The following PCDHGA4 variants were observed in gnomAD, a reference collection of about 807,000 sequenced individuals.
PCDHGA4 encodes the protein protocadherin gamma subfamily A, 4.
In PCDHGA4, 38 loss-of-function variants were observed where a neutral mutation model predicts 54.6. The observed-to-expected ratio is 0.70, with a 90% CI of 0.54 to 0.91. The LOEUF (loss-of-function observed/expected upper bound fraction) is 0.91. PCDHGA4 is among the 40% of genes least tolerant of loss of function. The pLI is 0.00. For missense variants in PCDHGA4, 1,298 were observed against 1,220.9 expected (o/e 1.06, Z -0.94); for synonymous variants, 511 against 512.9 (o/e 1.00, Z 0.05).
At chr5:141,366,020 T>A in intron 1 of PCDHGA4, 2 of 1,614,210 alleles carry the variant, frequency 1.2e-6, no homozygotes, top group South Asian at 2.2e-5. Flanking sequence ...TGAGATCCTG[T>A]ACCCCGCCCT....
chr5:141,393,815 C>T (rs2092850609), intron 1 of PCDHGA4: 1 of 1,613,922 alleles, frequency 6.2e-7, no homozygotes, highest in Non-Finnish European at 8.5e-7. Context: ...CCAAATTGCT[C>T]ATTTCGGTGG....
At chr5:141,364,462 C>T (rs897608860) in intron 1 of PCDHGA4, 23 of 1,613,902 alleles carry the variant, frequency 1.4e-5, no homozygotes, top group Non-Finnish European at 1.8e-5. Flanking sequence ...AAGGCTCCTT[C>T]GTCGGCAACA....
chr5:141,361,631 G>C (rs534427524), intron 1 of PCDHGA4: 1 of 1,613,902 alleles, frequency 6.2e-7, no homozygotes, highest in Admixed American at 1.7e-5. Flanking sequence ...CTGAAGCCGC[G>C]GGAGATTTTA....
At chr5:141,433,195 T>C (rs765385329) in intron 1 of PCDHGA4, 8 of 1,582,476 alleles carry the variant, frequency 5.1e-6, no homozygotes, top group Non-Finnish European at 6.9e-6. Flanking sequence ...TGAGTTTATA[T>C]CAAATCTTCT....
chr5:141,442,716 G>A (rs1367250926), intron 1 of PCDHGA4, among the ~76,000 whole-genome samples: 1 of 152,206 alleles, frequency 6.6e-6, no homozygotes, highest in East Asian at 1.9e-4. Context: ...ACATGCCAGA[G>A]CATTTGGGGC....
chr5:141,375,834 C>G lies in PCDHGA4; in HGVS notation c.2514+18213C>G, dbSNP rs1167436208. On this transcript the variant is annotated intron_variant, in intron 1 of 3. Transcript: ENST00000571252. ...GAGCTGGCGCCCCGCTCCGCAGAGC[C>G]CGGCTACCTGGTGACCAAGGTGGTG... is the stretch of plus-strand genomic sequence containing the variant. The G allele has an allele frequency of 2.1e-5, 34 of 1,614,138 alleles. No individual in the cohort carries two copies. The highest frequency in any genetic ancestry group is 2.7e-5 in the African/African-American group (2 of 75,080).
At chr5:141,404,482 C>T (rs758102201) in intron 1 of PCDHGA4, 2 of 1,613,594 alleles carry the variant, frequency 1.2e-6, no homozygotes, top group East Asian at 2.2e-5. Context: ...TTAACTCAGA[C>T]ACTGGTGTGC....
In PCDHGA4 at chr5:141,476,836, T is replaced by C. The variant is rs772607917; in HGVS notation, c.2515-17971T>C. On this transcript the variant is annotated intron_variant, in intron 1 of 3. Coordinates refer to ENST00000571252, the MANE Select transcript of PCDHGA4 (RefSeq NM_018917.4). The surrounding 1 kb of genome is among the most constrained non-coding windows in gnomAD (Gnocchi z 7.6). ...TCAAGGTGCTGGACGCGAATGACAATGCGCCTGTCTTCAACCAGTCCTTGT... is the reference window on the plus strand; with the variant it reads ...TCAAGGTGCTGGACGCGAATGACAACGCGCCTGTCTTCAACCAGTCCTTGT... 1.9e-6 allele frequency: 3 copies of C among 1,613,652 alleles called. 1 individual carries two copies. The highest frequency in any genetic ancestry group is 2.2e-5 in the East Asian group (1 of 44,852).
At chr5:141,376,348 C>G in intron 1 of PCDHGA4, 6 of 1,614,184 alleles carry the variant, frequency 3.7e-6, no homozygotes, top group Non-Finnish European at 5.1e-6. Context: ...CCTATTCCCA[C>G]GAGGTCTCAC....
chr5:141,370,244 ACT>A, intron 1 of PCDHGA4: 2 of 633,826 alleles, frequency 3.2e-6, no homozygotes, highest in Non-Finnish European at 5.1e-6. Flanking sequence ...AGAAAAGTGC[ACT>A]CTCTATCAGG....
intron 1 of PCDHGA4, chr5:141,424,567 A>T (rs1034112526): frequency 3.3e-5 from 5 of 152,176 alleles, no homozygotes; most frequent in African/African-American, 7.2e-5. Flanking sequence ...CTTCTCAAAA[A>T]CCTATTTTCA....
chr5:141,409,857 T>C (rs761331515), intron 1 of PCDHGA4: 2 of 1,612,228 alleles, frequency 1.2e-6, no homozygotes, highest in African/African-American at 2.7e-5. Context: ...CGCGTGTTGG[T>C]GGGAGACCGC....
At chr5:141,506,863 G>A (rs1162975959) in intron 3 of PCDHGA4, among the ~76,000 whole-genome samples, 1 of 152,120 alleles carries the variant, frequency 6.6e-6, no homozygotes, top group Non-Finnish European at 1.5e-5. Context: ...GAGGACTGGT[G>A]GGTAGAGAAC....
intron 1 of PCDHGA4, chr5:141,385,590 CT>C: frequency 8.0e-7 from 1 of 1,252,846 alleles, no homozygotes; most frequent in Non-Finnish European, 1.0e-6. Flanking sequence ...ATGTTCCAAC[CT>C]ACTTTCTTAA....
chr5:141,487,529 A>G lies in PCDHGA4; in HGVS notation c.2515-7278A>G, dbSNP rs772843725. ...TGCACCCACTCGGAGTGATAGCTTCATGATGGTGAAGTCACCCAGTGCACC... is the reference window on the plus strand; with the variant it reads ...TGCACCCACTCGGAGTGATAGCTTCGTGATGGTGAAGTCACCCAGTGCACC... On this transcript the variant is annotated intron_variant, in intron 1 of 3. Coordinates refer to ENST00000571252, the MANE Select transcript of PCDHGA4 (RefSeq NM_018917.4). The surrounding 1 kb of genome is among the most constrained non-coding windows in gnomAD (Gnocchi z 5.0). The G allele has an allele frequency of 2.0e-5, 32 of 1,614,168 alleles. No individual in the cohort carries two copies. Among genetic ancestry groups the G allele is most frequent in the Non-Finnish European group, 2.5e-5 (29 of 1,180,040 alleles).
intron 1 of PCDHGA4, chr5:141,421,043 C>T (rs1201118615): frequency 5.5e-6 from 3 of 548,238 alleles, no homozygotes; most frequent in African/African-American, 3.9e-5. Flanking sequence ...CCTCCCTCCC[C>T]CGCCTCTACC....
chr5:141,378,385 G>T, intron 1 of PCDHGA4: 1 of 152,308 alleles, frequency 6.6e-6, no homozygotes, highest in Non-Finnish European at 1.5e-5. Flanking sequence ...TAGCCAGGTG[G>T]GGTGGCATGG....
In PCDHGA4 at chr5:141,409,983, T is replaced by C. The variant is rs1481655663; in HGVS notation, c.2514+52362T>C. The C allele has an allele frequency of 1.2e-6, 2 of 1,613,160 alleles. No individual in the cohort carries two copies. Among genetic ancestry groups the C allele is most frequent in the African/African-American group, 2.7e-5 (2 of 74,914 alleles). On this transcript the variant is annotated intron_variant, in intron 1 of 3. Coordinates refer to ENST00000571252, the MANE Select transcript of PCDHGA4 (RefSeq NM_018917.4). ...TACCTAGTGACTAAGGTGGTAGCGG[T>C]GGACGCCGACTCGGGACACAACGCC... is the stretch of plus-strand genomic sequence containing the variant.
At chr5:141,365,770 C>G in intron 1 of PCDHGA4, 4 of 1,613,918 alleles carry the variant, frequency 2.5e-6, no homozygotes, top group Non-Finnish European at 3.4e-6. Context: ...ATGACCCCGA[C>G]AGCGGCGACA....
Sources: gnomAD v4.1 joint callset for allele counts (sites outside exome capture counted in the v4.1 genomes callset) on GRCh38, gnomAD v4.1.1 for gene constraint, Gnocchi (gnomAD v3.1) non-coding constraint, MANE v1.5 for transcripts, NCBI Gene and HGNC (gene_info 2026-07-23, HGNC 2026-07-21) for gene names.